CLASP1: variants seen among roughly 807,000 people sequenced by gnomAD.
CLASP1 encodes the protein CLIP-associating protein 1.
CLASP1 carries 38 observed loss-of-function variants against 192.3 expected under a neutral mutation model. The observed-to-expected ratio is 0.20, with a 90% CI of 0.15 to 0.26. The LOEUF is 0.26. Among genes scored for constraint, CLASP1 ranks in the 10% least tolerant of loss-of-function variants. The probability of loss-of-function intolerance (pLI) is 1.00; values close to 1 mark genes in which losing one functional copy is unlikely to be tolerated. For synonymous variants in CLASP1, 691 were observed against 712.8 expected, an observed-to-expected ratio of 0.97 and a Z score of 0.49; for missense variants, 1,433 against 1,932.5, an observed-to-expected ratio of 0.74 and a Z score of 4.85.
At chr2:121,360,601 GAAA>G (rs61023548) in intron 37 of CLASP1, among the ~76,000 whole-genome samples, 1 of 103,384 alleles carries the variant, frequency 9.7e-6, no homozygotes, top group Non-Finnish European at 2.4e-5. Context: ...CAAGGGAAAA[GAAA>G]AAAAAAAAAA....
intron 28 of CLASP1, 82 bp downstream of exon 29, chr2:121,401,427 C>G (rs2076143043): frequency 9.2e-7 from 1 of 1,085,668 alleles, no homozygotes; most frequent in South Asian, 1.6e-5. Flanking sequence ...TGACAAAGGC[C>G]ATGGGTAACA....
chr2:121,507,151 T>C (rs528722984), intron 7 of CLASP1, among the ~76,000 whole-genome samples: 2 of 152,160 alleles, frequency 1.3e-5, no homozygotes, highest in Non-Finnish European at 2.9e-5. Context: ...TCAACTAATA[T>C]AAATATGTCG....
intron 19 of CLASP1, among the ~76,000 whole-genome samples, chr2:121,444,020 A>G (rs752369115): frequency 2.0e-5 from 3 of 152,204 alleles, no homozygotes; most frequent in Non-Finnish European, 2.9e-5. Flanking sequence ...AATATCCTGA[A>G]GGTTGGTGGG....
intron 8 of CLASP1, among the ~76,000 whole-genome samples, chr2:121,494,269 T>C (rs1318695872): frequency 2.6e-5 from 4 of 152,132 alleles, no homozygotes. Flanking sequence ...TATTCAGCCA[T>C]AAAAAGAATG....
chr2:121,556,915 T>C (rs773748284), intron 2 of CLASP1, among the ~76,000 whole-genome samples: 1 of 152,186 alleles, frequency 6.6e-6, no homozygotes, highest in Non-Finnish European at 1.5e-5. Context: ...CAGCAGTACC[T>C]GTAGTACAGT....
intron 7 of CLASP1, 144 bp downstream of exon 7, chr2:121,515,521 A>G (rs531967686): frequency 1.9e-4 from 126 of 663,180 alleles, no homozygotes; most frequent in Non-Finnish European, 2.6e-4. Context: ...TGATCTGGAT[A>G]AAATCTCCAA....
At chr2:121,434,816 T>G (rs1213582912) in intron 19 of CLASP1, among the ~76,000 whole-genome samples, 1 of 151,024 alleles carries the variant, frequency 6.6e-6, no homozygotes, top group Non-Finnish European at 1.5e-5. Flanking sequence ...ATGGAGAGAC[T>G]GTCTCAACTA....
Position 121,503,173 on chromosome 2 carries a change from C to A in CLASP1, c.706G>T (p.Ala236Ser), listed in dbSNP as rs780995946. Reference sequence around the variant, plus strand: ...GATTGCTTTTTCTACTCACCATTTGCAGATTGTATCATGTTTCCAGATTTC... The same window carrying A: ...GATTGCTTTTTCTACTCACCATTTGAAGATTGTATCATGTTTCCAGATTTC... Residue 236 changes from alanine (A) to serine (S), a missense_variant, in exon 8 of 40, where the codon GCA becomes TCA. Physicochemically the swap from Ala to Ser is moderately conservative, Grantham distance 99 (BLOSUM62 1). Transcript: ENST00000263710. 3.9e-6 allele frequency: 6 copies of A among 1,547,334 alleles called. No individual in the cohort carries two copies. The South Asian group carries it at 7.1e-5, about 18-fold the overall frequency.
intron 35 of CLASP1, among the ~76,000 whole-genome samples, chr2:121,365,585 G>T (rs948229116): frequency 3.3e-5 from 5 of 152,166 alleles, no homozygotes; most frequent in African/African-American, 1.2e-4. Context: ...ACAAAGAGAA[G>T]AAATGCCTGT....
intron 39 of CLASP1, among the ~76,000 whole-genome samples, chr2:121,341,341 A>G (rs2062759810): frequency 1.3e-5 from 2 of 152,214 alleles, no homozygotes; most frequent in South Asian, 4.1e-4. Flanking sequence ...CCCGCTCCAC[A>G]GGGGGGAAGT....
chr2:121,375,390 A>C (rs1472612198), intron 34 of CLASP1, among the ~76,000 whole-genome samples: 5 of 136,942 alleles, frequency 3.7e-5, no homozygotes, highest in African/African-American at 1.4e-4. Flanking sequence ...TTTGAGACAG[A>C]GTCTCACTCT....
At chr2:121,526,339 C>G (rs1244898651) in intron 5 of CLASP1, among the ~76,000 whole-genome samples, 1 of 152,332 alleles carries the variant, frequency 6.6e-6, no homozygotes, top group African/African-American at 2.4e-5. Context: ...TCAGGCAACA[C>G]CGCTGGATGA....
At chr2:121,390,842 G>T (rs2074218818) in intron 30 of CLASP1, among the ~76,000 whole-genome samples, 1 of 151,976 alleles carries the variant, frequency 6.6e-6, no homozygotes, top group Non-Finnish European at 1.5e-5. Context: ...AGAGATGGGG[G>T]TCTTGCTATG....
intron 33 of CLASP1, among the ~76,000 whole-genome samples, chr2:121,381,554 A>G (rs1218584041): frequency 3.3e-5 from 5 of 152,222 alleles, no homozygotes; most frequent in African/African-American, 4.8e-5. Context: ...TTCCAGACTC[A>G]TAACATTGTT....
intron 2 of CLASP1, among the ~76,000 whole-genome samples, chr2:121,583,322 G>T (rs2061407467): frequency 6.6e-6 from 1 of 152,148 alleles, no homozygotes. Flanking sequence ...TTAGCCAGAG[G>T]TTGCATGAAG....
intron 35 of CLASP1, among the ~76,000 whole-genome samples, chr2:121,366,559 G>GTGAC (rs757953456): frequency 4.6e-5 from 7 of 152,200 alleles, no homozygotes; most frequent in Admixed American, 3.9e-4. Flanking sequence ...TGGTACTAGT[G>GTGAC]TGACCACTAT....
At chr2:121,559,090 G>GT (rs1243950217) in intron 2 of CLASP1, among the ~76,000 whole-genome samples, 6 of 152,188 alleles carry the variant, frequency 3.9e-5, no homozygotes, top group African/African-American at 1.4e-4. Flanking sequence ...GGGAAAGAAG[G>GT]TGTGGACCAC....
At chr2:121,398,207 G>A (rs1213513053) in intron 29 of CLASP1, 115 bp downstream of exon 30, 3 of 751,620 alleles carry the variant, frequency 4.0e-6, no homozygotes, top group South Asian at 1.8e-5. Flanking sequence ...AATCAAACAA[G>A]AATGCTCACA....
chr2:121,514,708 C>G lies in CLASP1; in HGVS notation c.644+957G>C, dbSNP rs370112828. On this transcript the variant is annotated intron_variant, in intron 7 of 39. Coordinates refer to ENST00000263710, the Ensembl canonical transcript of CLASP1. ...CACTTGAGGGTCTGGGGCCCACTGC[C>G]GTCATGTTTGCCTTAGAGACATCAA... Among the ~76,000 whole-genome samples, 27 of 152,236 alleles carry G rather than the reference C, an allele frequency of 1.8e-4. No individual in the cohort carries two copies. In the South Asian group the frequency reaches 5.6e-3, roughly 32 times the overall value.
Sources: allele counts gnomAD v4.1 joint callset (sites outside exome capture counted in the v4.1 genomes callset), GRCh38; gene constraint gnomAD v4.1.1; transcripts MANE v1.5; gene names NCBI Gene and HGNC (gene_info 2026-07-23, HGNC 2026-07-21).